Variants in BOC observed in about 807,000 individuals in gnomAD.
BOC encodes BOC cell adhesion associated, oncogene regulated, also known as brother of CDO.
BOC carries 76 observed loss-of-function variants against 112.0 expected under a neutral mutation model. The observed-to-expected ratio is 0.68, with a 90% CI of 0.56 to 0.82. The LOEUF (loss-of-function observed/expected upper bound fraction) is 0.82, where lower values mean the gene tolerates loss of function less well. BOC is among the 40% of genes least tolerant of loss of function. The probability of loss-of-function intolerance (pLI) is 0.00; values close to 1 mark genes in which losing one functional copy is unlikely to be tolerated. For synonymous variants in BOC, 580 were observed against 599.8 expected (o/e 0.97, Z 0.48); for missense variants, 1,309 against 1,511.7 (o/e 0.87, Z 2.22).
At chr3:113,228,265 G>C (rs1259635239) in intron 2 of BOC, among the ~76,000 whole-genome samples, 1 of 152,166 alleles carries the variant, frequency 6.6e-6, no homozygotes, top group Non-Finnish European at 1.5e-5. Context: ...GGACGGGGCA[G>C]ATGATGGTGT....
chr3:113,273,074 CCT>C lies in BOC; in HGVS notation c.968_969del (p.Pro323ArgfsTer22). On this transcript the variant is annotated frameshift_variant, in exon 8 of 20. Transcript: ENST00000682979. LOFTEE classifies it high-confidence loss of function. ...ILYNVQVFEP[P>X]EVTMELSQLV... ...CTGCTCTGGTTTCCTGGCAGAACCCCCTGAGGTCACCATGGAGCTATCCCAGC... is the reference window on the plus strand; with the variant it reads ...CTGCTCTGGTTTCCTGGCAGAACCCCGAGGTCACCATGGAGCTATCCCAGC... 6.3e-7 allele frequency: 1 copy of C among 1,599,166 alleles called. No homozygotes were observed. Among genetic ancestry groups the C allele is most frequent in the Non-Finnish European group, 8.6e-7 (1 of 1,167,966 alleles).
intron 4 of BOC, chr3:113,261,597 T>C (rs1390012574): frequency 2.0e-5 from 3 of 152,238 alleles, no homozygotes; most frequent in Admixed American, 6.5e-5. Context: ...TGAGGATTAA[T>C]CGCATTTCTC....
At chr3:113,267,059 A>G (rs1233777428) in intron 4 of BOC, among the ~76,000 whole-genome samples, 2 of 152,188 alleles carry the variant, frequency 1.3e-5, no homozygotes, top group Non-Finnish European at 2.9e-5. Flanking sequence ...GTCAGTCCCA[A>G]TGCTGTCAGT....
Position 113,278,119 on chromosome 3 carries a change from T to G in BOC, c.1567T>G (p.Trp523Gly). ...RKQVTNSSDD[W>G]TISGIPANQH... ...GCAGGTCACAAATTCCTCTGACGAT[T>G]GGACCATCTCTGGCATTCCAGCCAA... The change falls in exon 10 of 20, where the codon TGG becomes GGG. Residue 523 changes from tryptophan to glycine, a missense_variant. Trp to Gly is a radical substitution (Grantham distance 184). Coordinates refer to ENST00000682979, the MANE Select transcript of BOC (RefSeq NM_001378074.1). This position sits in a 1 kb window ranked among gnomAD's most constrained non-coding sequence, Gnocchi z 4.2. The G allele has an allele frequency of 6.2e-7, 1 of 1,614,222 alleles. No individual in the cohort carries two copies. Among genetic ancestry groups the G allele is most frequent in the East Asian group, 2.2e-5 (1 of 44,880 alleles).
At chr3:113,225,498 T>C (rs1941517692) in intron 2 of BOC, among the ~76,000 whole-genome samples, 1 of 152,204 alleles carries the variant, frequency 6.6e-6, no homozygotes, top group African/African-American at 2.4e-5. Flanking sequence ...TTTTCTTTTC[T>C]TCATCTGGCC....
chr3:113,224,316 G>A (rs375262052), intron 2 of BOC, among the ~76,000 whole-genome samples: 1 of 152,194 alleles, frequency 6.6e-6, no homozygotes, highest in Non-Finnish European at 1.5e-5. Context: ...AAGGCATAAT[G>A]AGTTTGAGAG....
In BOC at chr3:113,286,846, C is replaced by G; in HGVS notation, c.3332C>G (p.Pro1111Arg). ...GPLVRVSFET[P>R]PLTI is the part of the protein sequence containing the mutation. ...CTGGTGCGTGTGTCTTTTGAAACAC[C>G]ACCTCTCACAATTTAGGCAGAAGCT... Residue 1111 changes from proline to arginine, a missense_variant, in exon 20 of 20, where the codon CCA (proline) becomes CGA (arginine). Physicochemically the swap from Pro to Arg is moderately radical, Grantham distance 103. Transcript: ENST00000682979. The G allele has an allele frequency of 1.3e-6, 2 of 1,587,532 alleles. No homozygotes were observed. Among genetic ancestry groups the G allele is most frequent in the South Asian group, 1.2e-5 (1 of 86,186 alleles).
Position 113,274,491 on chromosome 3 carries a change from C to G in BOC, c.1351C>G (p.Pro451Ala). Reference sequence around the variant, plus strand: ...GAGGGGGCAACCGGCGCTCCCCAGACCCCCAACGTCAGTGGGGCCTGCTTC... The same window carrying G: ...GAGGGGGCAACCGGCGCTCCCCAGAGCCCCAACGTCAGTGGGGCCTGCTTC... Reference protein sequence around the residue: ...MLRGQPALPRPPTSVGPASPQ... With the variant: ...MLRGQPALPRAPTSVGPASPQ... The change falls in exon 9 of 20, where the codon CCC becomes GCC. Residue 451 changes from proline (P) to alanine (A), a missense_variant. By Grantham distance (27) the Pro-to-Ala change is conservative. Transcript: ENST00000682979. This position sits in a 1 kb window ranked among gnomAD's most constrained non-coding sequence, Gnocchi z 4.8. The G allele has an allele frequency of 6.2e-7, 1 of 1,612,488 alleles. No individual in the cohort carries two copies. Among genetic ancestry groups the G allele is most frequent in the Non-Finnish European group, 8.5e-7 (1 of 1,179,116 alleles).
At position 113,279,359 on chromosome 3, in the gene BOC, G is replaced by C; in HGVS notation, c.1927G>C (p.Glu643Gln). ...GTTCCCAATCCAGTCCTTCCGTGTG[G>C]AGTACAAGAAGCTAAAGAAAGTGGG... ...GGFPIQSFRV[E>Q]YKKLKKVGDW... Residue 643 changes from glutamate to glutamine, a missense_variant, in exon 12 of 20, where the codon GAG becomes CAG. Transcript: ENST00000682979. The C allele has an allele frequency of 6.2e-7, 1 of 1,614,216 alleles. No homozygotes were observed. The highest frequency in any genetic ancestry group is 8.5e-7 in the Non-Finnish European group (1 of 1,180,036).
intron 2 of BOC, among the ~76,000 whole-genome samples, chr3:113,246,908 G>T (rs1220449178): frequency 6.6e-6 from 1 of 152,130 alleles, no homozygotes; most frequent in Non-Finnish European, 1.5e-5. Context: ...GCAGCAACAG[G>T]ATCTGTTTCC....
chr3:113,223,700 ACAGCCTATGCCTTTTCAAGAT>A (rs570363005), intron 2 of BOC, among the ~76,000 whole-genome samples: 1,792 of 152,060 alleles, frequency 0.012, 18 homozygotes, highest in Middle Eastern at 0.02. Context: ...TTGGAATCAC[ACAGCCTATGCCTTTTCAAGAT>A]CAGCTTCTTT....
At chr3:113,276,972 G>A (rs767084326) in intron 9 of BOC, among the ~76,000 whole-genome samples, 6 of 152,166 alleles carry the variant, frequency 3.9e-5, no homozygotes, top group Non-Finnish European at 8.8e-5. Flanking sequence ...CTGTTGTCCC[G>A]AAAGGTGGCG....
chr3:113,235,008 G>A (rs1943229318), intron 2 of BOC, among the ~76,000 whole-genome samples: 1 of 152,124 alleles, frequency 6.6e-6, no homozygotes, highest in Non-Finnish European at 1.5e-5. Flanking sequence ...ATAATAGTAA[G>A]GTTTGTGTTC....
intron 2 of BOC, among the ~76,000 whole-genome samples, chr3:113,246,977 C>G (rs977095802): frequency 1.6e-4 from 24 of 152,106 alleles, no homozygotes; most frequent in African/African-American, 5.6e-4. Flanking sequence ...TTGGCTGGTC[C>G]TCGTTAAGCA....
At chr3:113,273,763 A>G (rs1948386492) in intron 8 of BOC, among the ~76,000 whole-genome samples, 2 of 152,200 alleles carry the variant, frequency 1.3e-5, no homozygotes, top group Admixed American at 1.3e-4. Context: ...CAGGGAAACA[A>G]CTTGAGAAAA....
chr3:113,272,212 T>C (rs1948191415), intron 6 of BOC, 198 bp from the exon 7 acceptor site: 2 of 615,504 alleles, frequency 3.2e-6, no homozygotes, highest in Admixed American at 5.7e-5. Context: ...AACAGCTCCC[T>C]GCAGAAGCAG....
intron 2 of BOC, among the ~76,000 whole-genome samples, chr3:113,236,978 A>G (rs1943652514): frequency 6.6e-6 from 1 of 152,234 alleles, no homozygotes; most frequent in African/African-American, 2.4e-5. Context: ...CAAAGATACT[A>G]AGTAACTCAC....
chr3:113,244,756 A>G (rs1576394549), intron 2 of BOC, among the ~76,000 whole-genome samples: 2 of 152,248 alleles, frequency 1.3e-5, no homozygotes, highest in African/African-American at 4.8e-5. Flanking sequence ...AGAATGTATG[A>G]TGAAAGGATA....
At chr3:113,221,356 A>C (rs1940610818) in intron 2 of BOC, among the ~76,000 whole-genome samples, 1 of 152,146 alleles carries the variant, frequency 6.6e-6, no homozygotes, top group Non-Finnish European at 1.5e-5. Flanking sequence ...GAGAGAAAGA[A>C]ATGTGAGGAT....
Sources: allele counts gnomAD v4.1 joint callset (sites outside exome capture counted in the v4.1 genomes callset), GRCh38; gene constraint gnomAD v4.1.1; non-coding constraint Gnocchi (gnomAD v3.1); transcripts MANE v1.5; gene names NCBI Gene and HGNC (gene_info 2026-07-23, HGNC 2026-07-21).